PNP: variants seen among roughly 807,000 people sequenced by gnomAD.
PNP encodes the protein HEL-S-156an.
Under a neutral mutation model 26.8 loss-of-function variants are expected in PNP, and 18 were observed. The ratio of observed to expected loss-of-function variants is 0.67; its 90% confidence interval spans 0.46 to 1.00. The LOEUF (loss-of-function observed/expected upper bound fraction) is 1.00, where lower values mean the gene tolerates loss of function less well. Among genes scored for constraint, PNP ranks in the 50% least tolerant of loss-of-function variants. PNP has a pLI of 0.00. For missense variants in PNP, 320 were observed against 362.9 expected, an observed-to-expected ratio of 0.88 and a Z score of 0.96; for synonymous variants, 116 against 124.8, an observed-to-expected ratio of 0.93 and a Z score of 0.47.
chr14:20,475,318 A>T, intron 5 of PNP, 66 bp downstream of exon 5: 1 of 1,419,556 alleles, frequency 7.0e-7, no homozygotes, highest in Non-Finnish European at 9.7e-7. Context: ...AAGGGGAAGG[A>T]GTAGGAAATA....
At position 20,471,234 on chromosome 14, in the gene PNP, A is replaced by G. The variant is rs187732945; in HGVS notation, c.12-1074A>G. Among the ~76,000 whole-genome samples the G allele has an allele frequency of 3.5e-3, 339 of 96,564 alleles. 3 individuals are homozygous for G. The highest frequency in any genetic ancestry group is 5.3e-3 in the Non-Finnish European group (273 of 51,810). The allele number at this position is 96,564 out of a possible 152,430, so 63.3% of individuals were successfully genotyped here. A position where few individuals can be genotyped will look rare whatever the true frequency, so the allele number is the denominator to read the frequency against. On this transcript the variant is annotated intron_variant, in intron 1 of 5. Coordinates refer to ENST00000361505, the MANE Select transcript of PNP (RefSeq NM_000270.4). ...TTTTTTTTTTTTTTGTATTTTTAGT[A>G]GAGACGGGGTTTCAACATGTTAGCC...
chr14:20,472,855 T>C, intron 2 of PNP: 2 of 246,698 alleles, frequency 8.1e-6, no homozygotes, highest in South Asian at 1.0e-4. Context: ...AAGAATTTTT[T>C]TTTAAGACCT....
chr14:20,471,240 G>A lies in PNP; in HGVS notation c.12-1068G>A, dbSNP rs530779859. 5.2e-5 allele frequency among the ~76,000 whole-genome samples: 7 copies of A among 134,104 alleles called. No individual in the cohort carries two copies. The East Asian group carries it at 7.2e-4, about 14-fold the overall frequency. 88.0% of individuals were successfully genotyped at this position (134,104 alleles called of 152,430 possible). ...TTTTTTTTGTATTTTTAGTAGAGAC[G>A]GGGTTTCAACATGTTAGCCAGGATG... On this transcript the variant is annotated intron_variant, in intron 1 of 5. Transcript: ENST00000361505.
rs778978144 is a variant in PNP at position 20,474,769 on chromosome 14, G to C, written c.286-4G>C. On this transcript the variant is annotated splice_region_variant and splice_polypyrimidine_tract_variant and intron_variant, in intron 3 of 5. Coordinates refer to ENST00000361505, the MANE Select transcript of PNP (RefSeq NM_000270.4). The stretch of plus-strand genomic sequence containing the variant: ...AAATTTTTTTCGGATTGTTTGCTTC[G>C]AAGGTGACATTCCCAGTGAGGGTTT... 6.2e-7 allele frequency: 1 copy of C among 1,613,642 alleles called. No individual in the cohort carries two copies. The highest frequency in any genetic ancestry group is 8.5e-7 in the Non-Finnish European group (1 of 1,179,870).
rs759382900 is a variant in PNP, at chr14:20,469,511, G to A, written c.-14G>A. On this transcript the variant is annotated 5_prime_UTR_variant, in exon 1 of 6. Coordinates refer to ENST00000361505, the MANE Select transcript of PNP (RefSeq NM_000270.4). ...ACACCGGAGCAGGCTCATCGAGAAGGCGTCTGCGAGACCATGGAGAACGGG... is the reference window on the plus strand; with the variant it reads ...ACACCGGAGCAGGCTCATCGAGAAGACGTCTGCGAGACCATGGAGAACGGG... The A allele has an allele frequency of 5.2e-6, 8 of 1,551,964 alleles. No individual in the cohort carries two copies. Among genetic ancestry groups the A allele is most frequent in the Non-Finnish European group, 5.2e-6 (6 of 1,148,010 alleles).
intron 5 of PNP, among the ~76,000 whole-genome samples, 184 bp from the exon 6 acceptor site, chr14:20,476,200 G>A (rs1014975291): frequency 2.0e-5 from 3 of 152,150 alleles, no homozygotes; most frequent in Admixed American, 6.5e-5. Context: ...TCAAACTCCC[G>A]GGCTCAAGAC....
At chr14:20,472,043 T>C (rs1881997697) in intron 1 of PNP, among the ~76,000 whole-genome samples, 1 of 152,178 alleles carries the variant, frequency 6.6e-6, no homozygotes, top group African/African-American at 2.4e-5. Flanking sequence ...AACACTGGAG[T>C]TGGGCCTGTT....
intron 2 of PNP, chr14:20,472,801 T>C: frequency 3.5e-6 from 1 of 289,464 alleles, no homozygotes; most frequent in Non-Finnish European, 6.5e-6. Context: ...TGTTGGTTTA[T>C]TTATTAATTT....
chr14:20,474,429 G>T, intron 2 of PNP, 43 bp from the exon 3 acceptor site: 2 of 1,531,962 alleles, frequency 1.3e-6, no homozygotes, highest in Non-Finnish European at 9.0e-7. Flanking sequence ...TGTGTTGCAT[G>T]AAAATATAAT....
intron 5 of PNP, 28 bp from the exon 6 acceptor site, chr14:20,476,356 A>G (rs1364483707): frequency 2.6e-6 from 4 of 1,530,666 alleles, no homozygotes; most frequent in Non-Finnish European, 3.6e-6. Flanking sequence ...GGATCCTGAC[A>G]GTTGGTTTCC....
chr14:20,472,799 T>C, intron 2 of PNP: 1 of 298,558 alleles, frequency 3.3e-6, no homozygotes. Flanking sequence ...TCTGTTGGTT[T>C]ATTTATTAAT....
Position 20,476,625 on chromosome 14 carries a change from C to T in PNP, c.*24C>T. Reference sequence around the variant, plus strand: ...GACCTGCCTTGGAGTCGTCTGGCATCTCCCACACAAGACCCAAGTAGCTGC... The same window carrying T: ...GACCTGCCTTGGAGTCGTCTGGCATTTCCCACACAAGACCCAAGTAGCTGC... On this transcript the variant is annotated 3_prime_UTR_variant, in exon 6 of 6. Transcript: ENST00000361505. The T allele has an allele frequency of 6.3e-7, 1 of 1,596,488 alleles. No homozygotes were observed. The highest frequency in any genetic ancestry group is 1.1e-5 in the South Asian group (1 of 90,648).
At position 20,476,448 on chromosome 14, in the gene PNP, A is replaced by G. The variant is rs1243656447; in HGVS notation, c.717A>G (p.Ser239=). Residue 239 remains serine (S), a synonymous_variant, in exon 6 of 6, where the codon TCA becomes TCG. Coordinates refer to ENST00000361505, the MANE Select transcript of PNP (RefSeq NM_000270.4). ...RHCGLRVFGF[S]LITNKVIMDY... ...GTGGACTTCGAGTCTTTGGCTTCTC[A>G]CTCATCACTAACAAGGTCATCATGG... 1 of 1,614,132 alleles carries G rather than the reference A, an allele frequency of 6.2e-7. No homozygotes were observed. The highest frequency in any genetic ancestry group is 1.7e-5 in the Admixed American group (1 of 60,016).
chr14:20,473,410 C>CTTGTG (rs1372357682), intron 2 of PNP: 1 of 152,220 alleles, frequency 6.6e-6, no homozygotes, highest in African/African-American at 2.4e-5. Context: ...TTCTTTCCCC[C>CTTGTG]TTGTTCAGTA....
chr14:20,475,083 C>T lies in PNP; in HGVS notation c.483C>T (p.Ala161=), dbSNP rs1882070007. ...CTAGGTTTGGAGATCGTTTCCCTGCCATGTCTGATGCCTACGACCGGACTA... is the reference window on the plus strand; with the variant it reads ...CTAGGTTTGGAGATCGTTTCCCTGCTATGTCTGATGCCTACGACCGGACTA... ...NDERFGDRFP[A]MSDAYDRTMR... The change falls in exon 5 of 6, where the codon GCC becomes GCT. Residue 161 remains alanine (A), a synonymous_variant. Transcript: ENST00000361505. The T allele has an allele frequency of 4.3e-6, 7 of 1,614,176 alleles. No individual in the cohort carries two copies. The highest frequency in any genetic ancestry group is 5.9e-6 in the Non-Finnish European group (7 of 1,180,032).
chr14:20,474,701 G>C, intron 3 of PNP, 72 bp from the exon 4 acceptor site: 1 of 1,572,046 alleles, frequency 6.4e-7, no homozygotes, highest in Non-Finnish European at 8.7e-7. Context: ...CTTTCACGAT[G>C]TATGTCATGC....
chr14:20,474,596 C>T lies in PNP; in HGVS notation c.285+21C>T, dbSNP rs200628195. On this transcript the variant is annotated intron_variant, in intron 3 of 5. Coordinates refer to ENST00000361505, the MANE Select transcript of PNP (RefSeq NM_000270.4). ...GGAAGGTAAGTCAGAGGGATAGGTC[C>T]GGTTGGATCTGGAAGAGGCAGGAGA... is the stretch of plus-strand genomic sequence containing the variant. 2.9e-4 allele frequency: 470 copies of T among 1,599,002 alleles called. 1 individual carries two copies. Among genetic ancestry groups the T allele is most frequent in the Middle Eastern group, 2.2e-3 (13 of 6,034 alleles).
In PNP at chr14:20,469,924, C is replaced by T. The variant is rs558227285; in HGVS notation, c.11+389C>T. 3.5e-5 allele frequency: 14 copies of T among 394,638 alleles called. No individual in the cohort carries two copies. In the East Asian group the frequency reaches 5.4e-4, roughly 15 times the overall value. 24.4% of individuals were successfully genotyped at this position (394,638 alleles called of 1,614,324 possible). A position where few individuals can be genotyped will look rare whatever the true frequency, so the allele number is the denominator to read the frequency against. ...TCACCCCCTGCGCTCTTCATAAATT[C>T]CCATGCTAGGGTCTGGGTAAAGCTG... On this transcript the variant is annotated intron_variant, in intron 1 of 5. Coordinates refer to ENST00000361505, the MANE Select transcript of PNP (RefSeq NM_000270.4).
intron 2 of PNP, chr14:20,473,138 GT>G (rs1405781531): frequency 7.4e-6 from 1 of 135,314 alleles, no homozygotes; most frequent in East Asian, 2.1e-4. Flanking sequence ...CTTTATTACT[GT>G]TTTTGTTTTG....
Sources: gnomAD v4.1 joint callset for allele counts (sites outside exome capture counted in the v4.1 genomes callset) on GRCh38, gnomAD v4.1.1 for gene constraint, MANE v1.5 for transcripts, NCBI Gene and HGNC (gene_info 2026-07-23, HGNC 2026-07-21) for gene names.